DCC: variants seen among roughly 807,000 people sequenced by gnomAD.
The protein encoded by DCC is DCC netrin 1 receptor.
Under a neutral mutation model 172.5 loss-of-function variants are expected in DCC, and 58 were observed. The observed-to-expected ratio is 0.34, with a 90% CI of 0.27 to 0.42. The LOEUF is 0.42. DCC is among the 10% of genes least tolerant of loss of function. DCC has a pLI of 1.00. For synonymous variants in DCC, 709 were observed against 644.5 expected, an observed-to-expected ratio of 1.10 and a Z score of -1.52; for missense variants, 1,740 against 1,791.0, an observed-to-expected ratio of 0.97 and a Z score of 0.51.
At chr18:53,441,513 C>G (rs1912275093) in intron 22 of DCC, among the ~76,000 whole-genome samples, 1 of 152,088 alleles carries the variant, frequency 6.6e-6, no homozygotes, top group Non-Finnish European at 1.5e-5. Context: ...AACTTTTGCT[C>G]TTCCCTCTTT....
At chr18:52,581,900 G>C (rs1214642041) in intron 1 of DCC, among the ~76,000 whole-genome samples, 4 of 152,140 alleles carry the variant, frequency 2.6e-5, no homozygotes, top group African/African-American at 9.7e-5. Flanking sequence ...ACCAGACTTA[G>C]GGTGATGAAC....
chr18:53,349,285 C>T (rs934339549), intron 15 of DCC, among the ~76,000 whole-genome samples: 2 of 152,184 alleles, frequency 1.3e-5, no homozygotes, highest in African/African-American at 4.8e-5. Context: ...CAGTTCCCAA[C>T]AAGTTCCTCA....
chr18:52,965,071 A>T (rs974879236), intron 5 of DCC: 2 of 152,146 alleles, frequency 1.3e-5, no homozygotes, highest in African/African-American at 4.8e-5. Context: ...ATAATCCAGG[A>T]TATTCTACTC....
At chr18:53,063,692 C>T in intron 6 of DCC, 1 of 465,590 alleles carries the variant, frequency 2.1e-6, no homozygotes, top group East Asian at 4.1e-5. Flanking sequence ...TTAAAACATA[C>T]AAACAAACAA....
At chr18:53,378,111 G>A (rs1419195984) in intron 15 of DCC, among the ~76,000 whole-genome samples, 1 of 152,016 alleles carries the variant, frequency 6.6e-6, no homozygotes, top group African/African-American at 2.4e-5. Flanking sequence ...ACAGGCACGT[G>A]CCTCCTTACC....
chr18:52,341,402 AAT>A (rs1388702054), intron 1 of DCC, among the ~76,000 whole-genome samples: 3 of 152,114 alleles, frequency 2.0e-5, no homozygotes, highest in African/African-American at 4.8e-5. Context: ...AGGGACAGCT[AAT>A]ATGTTTTGGT....
At chr18:53,506,720 T>G (rs1413996007) in intron 27 of DCC, among the ~76,000 whole-genome samples, 1 of 152,074 alleles carries the variant, frequency 6.6e-6, no homozygotes, top group East Asian at 1.9e-4. Flanking sequence ...TAGCCGGGCA[T>G]GGTGTCATGT....
intron 1 of DCC, among the ~76,000 whole-genome samples, chr18:52,581,519 G>T (rs1372431910): frequency 2.0e-5 from 3 of 152,144 alleles, no homozygotes; most frequent in African/African-American, 7.2e-5. Context: ...CAATTCAGGG[G>T]TGAGTGACAG....
chr18:52,703,617 C>T (rs1217922660), intron 1 of DCC, among the ~76,000 whole-genome samples: 2 of 152,016 alleles, frequency 1.3e-5, no homozygotes, highest in Non-Finnish European at 2.9e-5. Flanking sequence ...GGAAATGGGT[C>T]TGTAAGCATG....
chr18:53,132,758 G>T (rs2144324505), intron 7 of DCC, among the ~76,000 whole-genome samples: 1 of 152,212 alleles, frequency 6.6e-6, no homozygotes, highest in South Asian at 2.1e-4. Flanking sequence ...TGTCAGGCCA[G>T]GGTTCATCTT....
At chr18:52,516,599 A>G (rs1315704125) in intron 1 of DCC, among the ~76,000 whole-genome samples, 1 of 152,260 alleles carries the variant, frequency 6.6e-6, no homozygotes, top group African/African-American at 2.4e-5. Context: ...AATGAAAAAG[A>G]TAAGATAAAG....
intron 1 of DCC, among the ~76,000 whole-genome samples, chr18:52,664,621 C>A (rs2035430022): frequency 6.6e-6 from 1 of 151,670 alleles, no homozygotes; most frequent in Admixed American, 6.6e-5. Context: ...CAGGCGCCCG[C>A]CACCATGCCC....
intron 12 of DCC, among the ~76,000 whole-genome samples, chr18:53,301,184 G>A (rs777986395): frequency 6.6e-6 from 1 of 151,276 alleles, no homozygotes; most frequent in African/African-American, 2.4e-5. Context: ...CCACCTTCCG[G>A]GTTCAAGCGA....
chr18:52,545,040 G>A (rs1021091475), intron 1 of DCC, among the ~76,000 whole-genome samples: 1 of 152,202 alleles, frequency 6.6e-6, no homozygotes, highest in African/African-American at 2.4e-5. Flanking sequence ...AAATGGATAA[G>A]AAGGAAAAAA....
intron 15 of DCC, among the ~76,000 whole-genome samples, chr18:53,374,280 A>G (rs979548773): frequency 6.6e-6 from 1 of 152,236 alleles, no homozygotes; most frequent in Non-Finnish European, 1.5e-5. Context: ...TCATCATCAC[A>G]GAAGGTACCA....
intron 21 of DCC, among the ~76,000 whole-genome samples, chr18:53,419,450 C>T (rs972561875): frequency 1.8e-4 from 28 of 152,114 alleles, no homozygotes; most frequent in African/African-American, 6.5e-4. Context: ...CCCCCCACTA[C>T]CATTCCCAGC....
intron 15 of DCC, among the ~76,000 whole-genome samples, chr18:53,347,755 G>A (rs2057741923): frequency 6.6e-6 from 1 of 152,100 alleles, no homozygotes; most frequent in Non-Finnish European, 1.5e-5. Context: ...ATGGCAGAAG[G>A]CAAGGAGAAG....
rs2034911003 is a variant in DCC, at chr18:52,642,049, GTGGTGTGTGTGTGTATATA to G, written c.92-110003_92-109985del. 4.0e-4 allele frequency among the ~76,000 whole-genome samples: 2 copies of G among 4,988 alleles called. 1 individual carries two copies. Among genetic ancestry groups the G allele is most frequent in the Admixed American group, 6.9e-3 (2 of 288 alleles). 3.3% of individuals were successfully genotyped at this position (4,988 alleles called of 152,430 possible). A position where few individuals can be genotyped will look rare whatever the true frequency, so the allele number is the denominator to read the frequency against. On this transcript the variant is annotated intron_variant, in intron 1 of 28. Coordinates refer to ENST00000442544, the MANE Select transcript of DCC (RefSeq NM_005215.4). ...ATATATATATATATATATATATACT[GTGGTGTGTGTGTGTATATA>G]TATATATATATACACACACACACAC...
chr18:52,707,559 C>T (rs1006314436), intron 1 of DCC, among the ~76,000 whole-genome samples: 3 of 152,196 alleles, frequency 2.0e-5, no homozygotes, highest in Admixed American at 2.0e-4. Flanking sequence ...GAGGTATCTG[C>T]AGTTCCATGT....
Sources: gnomAD v4.1 joint callset for allele counts (sites outside exome capture counted in the v4.1 genomes callset) on GRCh38, gnomAD v4.1.1 for gene constraint, MANE v1.5 for transcripts, NCBI Gene and HGNC (gene_info 2026-07-23, HGNC 2026-07-21) for gene names.